Variants in SLC7A9 observed in about 807,000 individuals in gnomAD.
The protein encoded by SLC7A9 is solute carrier family 7 member 9.
In SLC7A9, 38 loss-of-function variants were observed where a neutral mutation model predicts 54.1. The observed-to-expected ratio is 0.70, with a 90% CI of 0.54 to 0.92. The LOEUF (loss-of-function observed/expected upper bound fraction) is 0.92, where lower values mean the gene tolerates loss of function less well. Ranked by LOEUF, SLC7A9 falls within the 40% of genes least tolerant of loss-of-function variation. The probability of loss-of-function intolerance (pLI) is 0.00; values close to 1 mark genes in which losing one functional copy is unlikely to be tolerated. For synonymous variants in SLC7A9, 264 were observed against 258.9 expected (o/e 1.02, Z -0.19); for missense variants, 537 against 636.1 (o/e 0.84, Z 1.68).
chr19:32,852,035 C>T (rs1329478352), intron 9 of SLC7A9, among the ~76,000 whole-genome samples: 5 of 148,014 alleles, frequency 3.4e-5, no homozygotes, highest in Admixed American at 2.0e-4. Flanking sequence ...GTGGGGGGAG[C>T]GGGGAGGGAT....
At chr19:32,843,810 G>A (rs1158926407) in intron 10 of SLC7A9, 45 bp downstream of exon 10, 1 of 1,451,746 alleles carries the variant, frequency 6.9e-7, no homozygotes, top group Admixed American at 1.7e-5. Context: ...CATGGATGGA[G>A]TGTCCCCGCC....
chr19:32,862,076 C>T (rs1968814594), intron 6 of SLC7A9, 42 bp downstream of exon 6: 3 of 1,363,968 alleles, frequency 2.2e-6, no homozygotes, highest in Non-Finnish European at 3.1e-6. Flanking sequence ...ACCTGGAGAA[C>T]CCCACCCACC....
intron 6 of SLC7A9, 27 bp from the exon 7 acceptor site, chr19:32,860,677 A>C (rs1217147156): frequency 2.5e-6 from 4 of 1,613,842 alleles, no homozygotes; most frequent in Non-Finnish European, 3.4e-6. Context: ...AACAAGCGTC[A>C]CACACCTTGA....
At chr19:32,852,910 T>TC in intron 9 of SLC7A9, among the ~76,000 whole-genome samples, 1 of 144,542 alleles carries the variant, frequency 6.9e-6, no homozygotes, top group African/African-American at 2.5e-5. Context: ...ATAAACTTTT[T>TC]TTTTTTTTTT....
chr19:32,847,876 A>G (rs951456218), intron 9 of SLC7A9, among the ~76,000 whole-genome samples: 1 of 152,224 alleles, frequency 6.6e-6, no homozygotes, highest in African/African-American at 2.4e-5. Flanking sequence ...AGTGGGGGCC[A>G]ACATTCAGCA....
At chr19:32,837,170 T>C (rs1309902913) in intron 11 of SLC7A9, among the ~76,000 whole-genome samples, 2 of 152,108 alleles carry the variant, frequency 1.3e-5, no homozygotes, top group African/African-American at 2.4e-5. Context: ...CCCCCAGGCC[T>C]GTGTCCCTTC....
At chr19:32,863,291 C>T (rs1001415303) in intron 4 of SLC7A9, among the ~76,000 whole-genome samples, 8 of 150,244 alleles carry the variant, frequency 5.3e-5, no homozygotes. Context: ...CCCCGCCCTG[C>T]TAATTTTTGT....
chr19:32,867,171 AAGG>A (rs779487351), intron 2 of SLC7A9, among the ~76,000 whole-genome samples: 25 of 152,256 alleles, frequency 1.6e-4, no homozygotes, highest in Non-Finnish European at 3.4e-4. Context: ...ATTCAGATAT[AAGG>A]AGGACAGGCA....
intron 6 of SLC7A9, 129 bp from the exon 7 acceptor site, chr19:32,860,779 A>G: frequency 7.5e-7 from 1 of 1,332,994 alleles, no homozygotes; most frequent in African/African-American, 1.5e-5. Context: ...CAGGAATTCC[A>G]GGTGAATTTT....
At chr19:32,858,601 G>A (rs1968699094) in intron 8 of SLC7A9, 58 bp from the exon 9 acceptor site, 1 of 1,384,096 alleles carries the variant, frequency 7.2e-7, no homozygotes, top group East Asian at 2.5e-5. Flanking sequence ...AGAGCGGCCG[G>A]CCCCCAAAAG....
chr19:32,839,309 C>G (rs1968062563), intron 11 of SLC7A9, among the ~76,000 whole-genome samples: 2 of 152,114 alleles, frequency 1.3e-5, no homozygotes, highest in Admixed American at 6.6e-5. Flanking sequence ...AATCCCAGCA[C>G]TTTGGAAGGC....
In SLC7A9 at chr19:32,833,239, A is replaced by C; in HGVS notation, c.1309T>G (p.Tyr437Asp). ...APIISKPTWE[Y>D]LYCVLFILSG... ...AATATAAACAGCACACAGTAGAGGTACTCCCAGGTGGGCTTGCTGATGATT... is the reference window on the plus strand; with the variant it reads ...AATATAAACAGCACACAGTAGAGGTCCTCCCAGGTGGGCTTGCTGATGATT... Residue 437 changes from tyrosine (Y) to aspartate (D), a missense_variant, in exon 12 of 13, where the codon TAC (tyrosine) becomes GAC (aspartate). Physicochemically the swap from Tyr to Asp is radical, Grantham distance 160 (BLOSUM62 -3). Coordinates refer to ENST00000023064, the MANE Select transcript of SLC7A9 (RefSeq NM_014270.5). 1 of 1,614,190 alleles carries C rather than the reference A, an allele frequency of 6.2e-7. No homozygotes were observed. Among genetic ancestry groups the C allele is most frequent in the Non-Finnish European group, 8.5e-7 (1 of 1,180,014 alleles).
intron 11 of SLC7A9, among the ~76,000 whole-genome samples, chr19:32,841,345 G>A (rs533435509): frequency 1.3e-5 from 2 of 152,200 alleles, no homozygotes; most frequent in East Asian, 3.9e-4. Flanking sequence ...GGAGTGAGAG[G>A]GAGCCCGAAA....
chr19:32,843,811 T>G, intron 10 of SLC7A9, 44 bp downstream of exon 10: 3 of 1,455,052 alleles, frequency 2.1e-6, no homozygotes, highest in Non-Finnish European at 2.9e-6. Flanking sequence ...ATGGATGGAG[T>G]GTCCCCGCCT....
At chr19:32,843,523 T>C (rs915159714) in intron 10 of SLC7A9, among the ~76,000 whole-genome samples, 1 of 152,074 alleles carries the variant, frequency 6.6e-6, no homozygotes, top group Non-Finnish European at 1.5e-5. Flanking sequence ...CATTAGAGCA[T>C]AATGAGAGGC....
chr19:32,866,768 C>CCCT (rs1968983001), intron 2 of SLC7A9, among the ~76,000 whole-genome samples: 1 of 152,166 alleles, frequency 6.6e-6, no homozygotes, highest in South Asian at 2.1e-4. Context: ...CCATTGCCAG[C>CCCT]CCTCCGGTCA....
rs778380068 is a variant in SLC7A9 at position 32,868,654 on chromosome 19, GCA to G, written c.-111-11_-111-10del. ...TGGACTAGGGGAGCTGGCTGCAAAA[GCA>G]CAGTGTTGGTTATTGCTGCAGGTGG... is the stretch of plus-strand genomic sequence containing the variant. On this transcript the variant is annotated splice_polypyrimidine_tract_variant and intron_variant, in intron 1 of 12. Coordinates refer to ENST00000023064, the MANE Select transcript of SLC7A9 (RefSeq NM_014270.5). 3.6e-6 allele frequency: 3 copies of G among 822,238 alleles called. No homozygotes were observed. Among genetic ancestry groups the G allele is most frequent in the Non-Finnish European group, 6.3e-6 (3 of 474,658 alleles). 50.9% of individuals were successfully genotyped at this position (822,238 alleles called of 1,614,324 possible).
At chr19:32,858,708 C>T (rs1361475382) in intron 8 of SLC7A9, among the ~76,000 whole-genome samples, 165 bp from the exon 9 acceptor site, 1 of 152,182 alleles carries the variant, frequency 6.6e-6, no homozygotes, top group Non-Finnish European at 1.5e-5. Context: ...CGCCACTCGC[C>T]TATCTCCAGA....
At chr19:32,833,488 A>T (rs1006966484) in intron 11 of SLC7A9, among the ~76,000 whole-genome samples, 165 bp from the exon 12 acceptor site, 10 of 152,080 alleles carry the variant, frequency 6.6e-5, no homozygotes, top group Admixed American at 2.6e-4. Flanking sequence ...CCTTTTAAAA[A>T]TTTTCTTTAC....
Sources: gnomAD v4.1 joint callset for allele counts (sites outside exome capture counted in the v4.1 genomes callset) on GRCh38, gnomAD v4.1.1 for gene constraint, MANE v1.5 for transcripts, NCBI Gene and HGNC (gene_info 2026-07-23, HGNC 2026-07-21) for gene names.